The following TMEM178B variants were observed in gnomAD, a reference collection of about 807,000 sequenced individuals.
TMEM178B encodes the protein transmembrane protein 178B.
Under a neutral mutation model 31.0 loss-of-function variants are expected in TMEM178B, and 5 were observed. The observed-to-expected ratio is 0.16, with a 90% CI of 0.08 to 0.34. The LOEUF (loss-of-function observed/expected upper bound fraction) is 0.34. TMEM178B is among the 10% of genes least tolerant of loss of function. The pLI, the probability that TMEM178B is intolerant of heterozygous loss-of-function variation, is 1.00. For synonymous variants in TMEM178B, 164 were observed against 164.0 expected, an observed-to-expected ratio of 1.00 and a Z score of 0.00; for missense variants, 275 against 400.3, an observed-to-expected ratio of 0.69 and a Z score of 2.67.
At chr7:141,325,570 C>A (rs2116481514) in intron 2 of TMEM178B, among the ~76,000 whole-genome samples, 1 of 152,244 alleles carries the variant, frequency 6.6e-6, no homozygotes, top group Non-Finnish European at 1.5e-5. Flanking sequence ...TGGTCTGACC[C>A]CATCAGCATG....
intron 3 of TMEM178B, among the ~76,000 whole-genome samples, chr7:141,451,805 C>T: frequency 6.6e-6 from 1 of 152,156 alleles, no homozygotes; most frequent in Non-Finnish European, 1.5e-5. Flanking sequence ...AAAGGATAAT[C>T]CTTACTTATT....
chr7:141,306,454 AG>A (rs1423795315), intron 2 of TMEM178B, among the ~76,000 whole-genome samples: 1 of 152,214 alleles, frequency 6.6e-6, no homozygotes, highest in African/African-American at 2.4e-5. Flanking sequence ...TATCTAGAAA[AG>A]GTGTCCGCTT....
At chr7:141,140,829 G>A (rs1028684227) in intron 1 of TMEM178B, among the ~76,000 whole-genome samples, 2 of 152,204 alleles carry the variant, frequency 1.3e-5, no homozygotes, top group African/African-American at 2.4e-5. Flanking sequence ...CCACAGAGGC[G>A]AAGTGCCATT....
intron 2 of TMEM178B, among the ~76,000 whole-genome samples, chr7:141,402,631 A>G (rs1347086501): frequency 1.1e-4 from 16 of 152,256 alleles, no homozygotes; most frequent in Admixed American, 1.0e-3. Context: ...ATTTATGGGC[A>G]GTTGCCTGAA....
chr7:141,431,501 A>G (rs1801428554), intron 2 of TMEM178B, among the ~76,000 whole-genome samples: 3 of 152,174 alleles, frequency 2.0e-5, no homozygotes, highest in Admixed American at 1.3e-4. Flanking sequence ...CCCTGAACTC[A>G]ATTCAACAAA....
rs116735008 is a variant in TMEM178B at position 141,398,784 on chromosome 7, G to A, written c.497-38824G>A. Among the ~76,000 whole-genome samples the A allele has an allele frequency of 4.3e-3, 658 of 152,238 alleles. 2 individuals are homozygous for A. The highest frequency in any genetic ancestry group is 0.015 in the African/African-American group (606 of 41,544). ...AGGTAGCTCTTGCCCAACCGTCTCC[G>A]TCTACAGAGGAGGAATCTAAGACCC... On this transcript the variant is annotated intron_variant, in intron 2 of 3. Transcript: ENST00000565468.
At chr7:141,230,968 C>T (rs962710439) in intron 2 of TMEM178B, among the ~76,000 whole-genome samples, 1 of 152,128 alleles carries the variant, frequency 6.6e-6, no homozygotes, top group African/African-American at 2.4e-5. Context: ...TCCCACTTTC[C>T]TACTCTTTTA....
intron 2 of TMEM178B, among the ~76,000 whole-genome samples, chr7:141,428,663 A>G (rs1314458464): frequency 6.6e-6 from 1 of 152,152 alleles, no homozygotes; most frequent in Non-Finnish European, 1.5e-5. Context: ...TCCAAGGGAA[A>G]AATCAAGGGG....
At position 141,417,383 on chromosome 7, in the gene TMEM178B, G is replaced by GCGGCCTT. The variant is rs368527562; in HGVS notation, c.497-20223_497-20217dup. ...GAGAACCCCAAGGCTTTCTGGACCA[G>GCGGCCTT]CGGCCTTCTCAAGACAGAAGGGCTG... On this transcript the variant is annotated intron_variant, in intron 2 of 3. Coordinates refer to ENST00000565468, the MANE Select transcript of TMEM178B (RefSeq NM_001195278.2). 6.5e-3 allele frequency among the ~76,000 whole-genome samples: 988 copies of GCGGCCTT among 152,330 alleles called. 12 individuals are homozygous for GCGGCCTT. Among genetic ancestry groups the GCGGCCTT allele is most frequent in the African/African-American group, 0.023 (939 of 41,586 alleles).
intron 1 of TMEM178B, among the ~76,000 whole-genome samples, chr7:141,113,699 G>C (rs1426031003): frequency 6.6e-6 from 1 of 152,184 alleles, no homozygotes. Context: ...GCCGTCCTCA[G>C]TCTGAGGCCG....
intron 2 of TMEM178B, among the ~76,000 whole-genome samples, chr7:141,363,317 C>T (rs187489081): frequency 1.2e-3 from 186 of 152,342 alleles, no homozygotes; most frequent in Middle Eastern, 3.4e-3. Context: ...CATCACACAT[C>T]ACTTTCTTCC....
At chr7:141,114,209 T>C (rs1795280533) in intron 1 of TMEM178B, among the ~76,000 whole-genome samples, 1 of 152,262 alleles carries the variant, frequency 6.6e-6, no homozygotes, top group Non-Finnish European at 1.5e-5. Context: ...CTCTGTGTCC[T>C]GTCTCACATC....
chr7:141,447,093 C>T (rs762469349), intron 3 of TMEM178B, among the ~76,000 whole-genome samples: 3 of 151,980 alleles, frequency 2.0e-5, no homozygotes, highest in Admixed American at 6.6e-5. Context: ...TGTCGAGGCA[C>T]CTAGGATACA....
At chr7:141,503,227 T>G in the TMEM178B span, among the ~76,000 whole-genome samples, 3 of 152,342 alleles carry the variant, frequency 2.0e-5, no homozygotes, top group African/African-American at 7.2e-5. Context: ...GTTCATCTGT[T>G]AAAGCAGCTA....
At chr7:141,510,060 T>C in the TMEM178B span, among the ~76,000 whole-genome samples, 1 of 152,138 alleles carries the variant, frequency 6.6e-6, no homozygotes, top group Non-Finnish European at 1.5e-5. Flanking sequence ...GAATAGCAAA[T>C]AGACTCAACT....
At chr7:141,128,387 T>G (rs1795539844) in intron 1 of TMEM178B, among the ~76,000 whole-genome samples, 1 of 152,198 alleles carries the variant, frequency 6.6e-6, no homozygotes, top group South Asian at 2.1e-4. Context: ...GTTATCAAAC[T>G]TCTTTGGTCT....
intron 2 of TMEM178B, among the ~76,000 whole-genome samples, chr7:141,380,298 C>T (rs192754461): frequency 1.3e-4 from 20 of 152,198 alleles, no homozygotes; most frequent in African/African-American, 4.6e-4. Context: ...ATCTTTAAGT[C>T]ATATTCTGTT....
At chr7:141,350,872 C>A (rs1009334934) in intron 2 of TMEM178B, among the ~76,000 whole-genome samples, 2 of 152,098 alleles carry the variant, frequency 1.3e-5, no homozygotes, top group African/African-American at 4.8e-5. Flanking sequence ...AACAAGCAGC[C>A]CTTGATCACT....
chr7:141,421,574 C>T (rs1417807803), intron 2 of TMEM178B, among the ~76,000 whole-genome samples: 1 of 152,216 alleles, frequency 6.6e-6, no homozygotes, highest in African/African-American at 2.4e-5. Flanking sequence ...TCTGCTGCTT[C>T]TAAGCTGCCT....
Sources: gnomAD v4.1 joint callset for allele counts (sites outside exome capture counted in the v4.1 genomes callset) on GRCh38, gnomAD v4.1.1 for gene constraint, MANE v1.5 for transcripts, NCBI Gene and HGNC (gene_info 2026-07-23, HGNC 2026-07-21) for gene names.